Variants in FER1L5 observed in about 807,000 individuals in gnomAD.
FER1L5 encodes fer-1-like protein 5.
FER1L5 carries 187 observed loss-of-function variants against 279.9 expected under a neutral mutation model. The observed-to-expected ratio is 0.67, with a 90% confidence interval of 0.59 to 0.75. The LOEUF (loss-of-function observed/expected upper bound fraction) is 0.75, where lower values mean the gene tolerates loss of function less well. Among genes scored for constraint, FER1L5 ranks in the 30% least tolerant of loss-of-function variants. FER1L5 has a pLI of 0.00. For missense variants in FER1L5, 2,091 were observed against 2,594.4 expected (o/e 0.81, Z 4.21); for synonymous variants, 921 against 989.7 (o/e 0.93, Z 1.30).
At chr2:96,685,709 C>A (rs1473957293) in intron 21 of FER1L5, among the ~76,000 whole-genome samples, 1 of 152,198 alleles carries the variant, frequency 6.6e-6, no homozygotes, top group Non-Finnish European at 1.5e-5. Context: ...ATAGCCCCAC[C>A]TCCCTGCAGG....
chr2:96,674,599 C>T (rs1372415980), intron 19 of FER1L5, among the ~76,000 whole-genome samples: 1 of 152,034 alleles, frequency 6.6e-6, no homozygotes, highest in Non-Finnish European at 1.5e-5. Flanking sequence ...GGTTCTTTGT[C>T]AATGGCTTTC....
rs1463573553 is a variant in FER1L5 at position 96,651,929 on chromosome 2, G to A, written c.542G>A (p.Gly181Asp). The change falls in exon 7 of 53, where the codon GGC becomes GAC. Residue 181 changes from glycine (G) to aspartate (D), a missense_variant. Coordinates refer to ENST00000624922, the MANE Select transcript of FER1L5 (RefSeq NM_001293083.2). ...GTGTTTGAAGCCCGACAGCTCATGG[G>A]CAACAACATCAAACCAGTGGTGAAG... is the stretch of plus-strand genomic sequence containing the variant. The part of the protein sequence containing the change: ...VKVFEARQLM[G>D]NNIKPVVKVS... 6.4e-7 allele frequency: 1 copy of A among 1,551,896 alleles called. No homozygotes were observed. Among genetic ancestry groups the A allele is most frequent in the Non-Finnish European group, 8.7e-7 (1 of 1,147,074 alleles).
chr2:96,671,000 C>T (rs982856394), intron 18 of FER1L5, among the ~76,000 whole-genome samples: 34 of 135,256 alleles, frequency 2.5e-4, no homozygotes, highest in Admixed American at 2.4e-3. Flanking sequence ...CCAGCTACTT[C>T]GGAGGCTGAG....
intron 14 of FER1L5, among the ~76,000 whole-genome samples, chr2:96,663,771 G>A (rs1018027426): frequency 1.3e-5 from 2 of 152,116 alleles, no homozygotes; most frequent in East Asian, 1.9e-4. Flanking sequence ...GGCTGGGCAC[G>A]GTGGCTTACA....
intron 14 of FER1L5, 84 bp downstream of exon 14, chr2:96,663,591 C>T: frequency 2.0e-6 from 3 of 1,473,330 alleles, no homozygotes; most frequent in Non-Finnish European, 1.9e-6. Flanking sequence ...GGGGTGAAGA[C>T]AGAGGGTGGG....
chr2:96,660,501 G>A (rs2075914650), intron 10 of FER1L5, 130 bp downstream of exon 10: 2 of 802,524 alleles, frequency 2.5e-6, no homozygotes, highest in Non-Finnish European at 4.0e-6. Flanking sequence ...ATTATTTTCT[G>A]TATTTGGTAA....
chr2:96,651,241 TTCTTTCTTTCTTTCTTTC>T (rs2075353466), intron 6 of FER1L5, among the ~76,000 whole-genome samples: 2 of 24,232 alleles, frequency 8.3e-5, no homozygotes, highest in South Asian at 2.2e-3. Flanking sequence ...TTCTTTCTCT[TTCTTTCTTTCTTTCTTTC>T]TTTCTTTCTT....
Position 96,687,840 on chromosome 2 carries a change from G to T in FER1L5, c.2254G>T (p.Asp752Tyr). The change falls in exon 24 of 53, where the codon GAT (aspartate) becomes TAT (tyrosine). Residue 752 changes from aspartate to tyrosine, a missense_variant. Transcript: ENST00000624922. ...LQYPEGEGQK[D>Y]VLPAHLRVCM... is the part of the protein sequence containing the mutation. ...GTACCCAGAGGGTGAAGGACAGAAG[G>T]ATGTGCTCCCAGCTCACCTCCGGGT... 1 of 1,551,280 alleles carries T rather than the reference G, an allele frequency of 6.4e-7. No homozygotes were observed. Among genetic ancestry groups the T allele is most frequent in the Non-Finnish European group, 8.7e-7 (1 of 1,146,978 alleles).
rs748053729 is a variant in FER1L5, at chr2:96,659,452, T to C, written c.748-889T>C. On this transcript the variant is annotated intron_variant, in intron 9 of 52. Coordinates refer to ENST00000624922, the MANE Select transcript of FER1L5 (RefSeq NM_001293083.2). Reference sequence around the variant, plus strand: ...TTCTTTCTTTCTTTCTTTCTTTCTTTCTTTCTTTCTTTCTTTCTTTCTTTC... The same window carrying C: ...TTCTTTCTTTCTTTCTTTCTTTCTTCCTTTCTTTCTTTCTTTCTTTCTTTC... Among the ~76,000 whole-genome samples, 129 of 28,376 alleles carry C rather than the reference T, an allele frequency of 4.5e-3. 4 individuals carry two copies. Among genetic ancestry groups the C allele is most frequent in the Non-Finnish European group, 6.0e-3 (104 of 17,412 alleles). 18.6% of individuals were successfully genotyped at this position (28,376 alleles called of 152,430 possible).
Position 96,690,645 on chromosome 2 carries a change from C to T in FER1L5, c.2743+56C>T. The T allele has an allele frequency of 5.4e-6, 8 of 1,473,516 alleles. No individual in the cohort carries two copies. The South Asian group carries it at 9.7e-5, about 18-fold the overall frequency. 91.3% of individuals were successfully genotyped at this position (1,473,516 alleles called of 1,614,324 possible). A position where few individuals can be genotyped will look rare whatever the true frequency, so the allele number is the denominator to read the frequency against. On this transcript the variant is annotated intron_variant, in intron 27 of 52. Coordinates refer to ENST00000624922, the MANE Select transcript of FER1L5 (RefSeq NM_001293083.2). ...AGAGACCAGGGCCTCAAAATAACGG[C>T]AGCCAGCAGGGTGGGATCAGAGCAG...
At chr2:96,680,273 C>T (rs1245680304) in intron 19 of FER1L5, among the ~76,000 whole-genome samples, 1 of 151,952 alleles carries the variant, frequency 6.6e-6, no homozygotes, top group African/African-American at 2.4e-5. Flanking sequence ...CTGAGAGCCC[C>T]AGGCATGCAT....
chr2:96,649,212 G>A (rs1331768646), intron 4 of FER1L5, among the ~76,000 whole-genome samples: 1 of 152,122 alleles, frequency 6.6e-6, no homozygotes, highest in African/African-American at 2.4e-5. Context: ...GGTAATGGGA[G>A]CATATGAAGG....
chr2:96,661,001 C>T (rs550680188), intron 10 of FER1L5, among the ~76,000 whole-genome samples: 4 of 152,298 alleles, frequency 2.6e-5, no homozygotes, highest in Non-Finnish European at 5.9e-5. Context: ...GAAATTTCCA[C>T]CTTACCTGGC....
At chr2:96,686,703 A>G (rs1193615612) in intron 23 of FER1L5, among the ~76,000 whole-genome samples, 3 of 151,892 alleles carry the variant, frequency 2.0e-5, no homozygotes, top group Non-Finnish European at 4.4e-5. Context: ...TAAAAATACA[A>G]AAAAATTAGC....
In FER1L5 at chr2:96,689,282, G is replaced by A. The variant is rs2106634837; in HGVS notation, c.2431G>A (p.Asp811Asn). ...GCTGTATCACTGCCCCAACTTCTCG[G>A]ATGTCATGGGGAACAAGACCCTCCC... is the stretch of plus-strand genomic sequence containing the variant. ...QGLYHCPNFSDVMGNKTLPMT... is the reference protein window; with the variant it reads ...QGLYHCPNFSNVMGNKTLPMT... The change falls in exon 25 of 53, where the codon GAT (aspartate) becomes AAT (asparagine). Residue 811 changes from aspartate (D) to asparagine (N), a missense_variant. Transcript: ENST00000624922. This position sits in a 1 kb window ranked among gnomAD's most constrained non-coding sequence, Gnocchi z 4.6. The A allele has an allele frequency of 6.5e-7, 1 of 1,550,312 alleles. No individual in the cohort carries two copies. The highest frequency in any genetic ancestry group is 2.0e-5 in the Admixed American group (1 of 50,716).
intron 17 of FER1L5, 76 bp downstream of exon 17, chr2:96,669,213 G>C: frequency 7.3e-7 from 1 of 1,362,510 alleles, no homozygotes; most frequent in Non-Finnish European, 9.9e-7. Flanking sequence ...CCTGGGACGT[G>C]CCCCGAGGCC....
At chr2:96,671,621 C>T (rs1480246934) in intron 18 of FER1L5, among the ~76,000 whole-genome samples, 2 of 152,224 alleles carry the variant, frequency 1.3e-5, no homozygotes, top group Non-Finnish European at 2.9e-5. Context: ...GTGACATCAA[C>T]ACACCAAGGT....
Position 96,702,812 on chromosome 2 carries a change from C to G in FER1L5, c.5397+71C>G, listed in dbSNP as rs912158226. 1.7e-5 allele frequency: 27 copies of G among 1,582,750 alleles called. No homozygotes were observed. Among genetic ancestry groups the G allele is most frequent in the African/African-American group, 5.4e-5 (4 of 74,200 alleles). On this transcript the variant is annotated intron_variant, in intron 48 of 52. Coordinates refer to ENST00000624922, the MANE Select transcript of FER1L5 (RefSeq NM_001293083.2). This position sits in a 1 kb window ranked among gnomAD's most constrained non-coding sequence, Gnocchi z 4.0. ...CCCAGGCTCCTGGAGCTCCTCCCCC[C>G]ACCCCTCCAGAGGCTTGCAATCTGT...
Position 96,691,536 on chromosome 2 carries a change from G to A in FER1L5, c.2999G>A (p.Arg1000His), listed in dbSNP as rs772092620. 3.9e-6 allele frequency: 6 copies of A among 1,549,776 alleles called. No individual in the cohort carries two copies. The highest frequency in any genetic ancestry group is 2.7e-5 in the African/African-American group (2 of 72,978). The stretch of plus-strand genomic sequence containing the variant: ...CCTCAGCCCCAGAGCCGGTTCCGCC[G>A]CCGCTGCTGGCGCCGCAGGCTGGCC... Reference protein sequence around the residue: ...LNPQPQSRFRRRCWRRRLAPN... With the variant: ...LNPQPQSRFRHRCWRRRLAPN... The change falls in exon 29 of 53, where the codon CGC becomes CAC. Residue 1000 changes from arginine (R) to histidine (H), a missense_variant. Physicochemically the swap from Arg to His is conservative, Grantham distance 29. Transcript: ENST00000624922. The surrounding 1 kb of genome is among the most constrained non-coding windows in gnomAD (Gnocchi z 6.0).
Sources: allele counts gnomAD v4.1 joint callset (sites outside exome capture counted in the v4.1 genomes callset), GRCh38; gene constraint gnomAD v4.1.1; non-coding constraint Gnocchi (gnomAD v3.1); transcripts MANE v1.5; gene names NCBI Gene and HGNC (gene_info 2026-07-23, HGNC 2026-07-21).